Variants in SS18 observed in about 807,000 individuals in gnomAD.
SS18 encodes SS18 subunit of BAF chromatin remodeling complex.
Under a neutral mutation model 72.5 loss-of-function variants are expected in SS18, and 28 were observed. The ratio of observed to expected loss-of-function variants is 0.39; its 90% CI spans 0.29 to 0.53. The LOEUF is 0.53. Ranked by LOEUF, SS18 falls within the 20% of genes least tolerant of loss-of-function variation. The pLI is 0.76. For synonymous variants in SS18, 172 were observed against 164.2 expected, an observed-to-expected ratio of 1.05 and a Z score of -0.37; for missense variants, 518 against 535.3, an observed-to-expected ratio of 0.97 and a Z score of 0.32.
In SS18 at chr18:26,032,485, C is replaced by T; in HGVS notation, c.1144G>A (p.Gly382Arg). Residue 382 changes from glycine (G) to arginine (R), a missense_variant, in exon 10 of 11, where the codon GGA (glycine) becomes AGA (arginine). Gly to Arg is a moderately radical substitution (Grantham distance 125). Coordinates refer to ENST00000415083, the MANE Select transcript of SS18 (RefSeq NM_001007559.3). ...TATCCTCCATACTGCTGACCTTGTCCCTGTGGGTAGTTAGGATACTGAGGA... is the reference window on the plus strand; with the variant it reads ...TATCCTCCATACTGCTGACCTTGTCTCTGTGGGTAGTTAGGATACTGAGGA... ...PGPQYPNYPQGQGQQYGGYRP... is the reference protein window; with the variant it reads ...PGPQYPNYPQRQGQQYGGYRP... The T allele has an allele frequency of 6.2e-7, 1 of 1,613,774 alleles. No individual in the cohort carries two copies. Among genetic ancestry groups the T allele is most frequent in the South Asian group, 1.1e-5 (1 of 91,048 alleles).
At chr18:26,087,359 A>C (rs1302886005) in intron 2 of SS18, 142 bp downstream of exon 2, 1 of 572,062 alleles carries the variant, frequency 1.7e-6, no homozygotes, top group Admixed American at 3.7e-5. Flanking sequence ...CTATGAATAT[A>C]CTAAAAAACA....
chr18:26,025,949 G>A (rs1382940995), intron 10 of SS18, among the ~76,000 whole-genome samples: 1 of 151,884 alleles, frequency 6.6e-6, no homozygotes. Context: ...TTAACCCACT[G>A]TAAGCTGAAA....
intron 9 of SS18, among the ~76,000 whole-genome samples, chr18:26,033,597 T>C (rs2053580478): frequency 6.6e-6 from 1 of 151,712 alleles, no homozygotes; most frequent in African/African-American, 2.4e-5. Context: ...ATAAAAACAC[T>C]GATTTCAGAG....
intron 10 of SS18, among the ~76,000 whole-genome samples, chr18:26,031,570 T>C (rs2053542613): frequency 2.0e-5 from 3 of 152,174 alleles, no homozygotes; most frequent in Admixed American, 6.5e-5. Context: ...ATCATTTCCA[T>C]AATAATTCAG....
At position 26,057,799 on chromosome 18, in the gene SS18, T is replaced by C. The variant is rs113362764; in HGVS notation, c.232-57A>G. ...AACAGACTAATATACGAAAGATGCA[T>C]AGGGTAAAAGAGTTGCTTATGTTAC... On this transcript the variant is annotated intron_variant, in intron 3 of 10. Coordinates refer to ENST00000415083, the MANE Select transcript of SS18 (RefSeq NM_001007559.3). 30 of 1,514,978 alleles carry C rather than the reference T, an allele frequency of 2.0e-5. 1 individual carries two copies. Among genetic ancestry groups the C allele is most frequent in the African/African-American group, 1.7e-4 (12 of 71,970 alleles). The allele number at this position is 1,514,978 out of a possible 1,614,324, so 93.8% of individuals were successfully genotyped here.
Position 26,055,752 on chromosome 18 carries a change from T to G in SS18, c.385+1837A>C, listed in dbSNP as rs557353957. Among the ~76,000 whole-genome samples the G allele has an allele frequency of 5.2e-5, 7 of 135,504 alleles. No individual in the cohort carries two copies. In the South Asian group the frequency reaches 9.3e-4, roughly 18 times the overall value. The allele number at this position is 135,504 out of a possible 152,430, so 88.9% of individuals were successfully genotyped here. ...CTATTGTTAGGAGAAATTCTTTCTGTTTTTTTTTTTTTTGTTTTTTTTTTT... is the reference window on the plus strand; with the variant it reads ...CTATTGTTAGGAGAAATTCTTTCTGGTTTTTTTTTTTTTGTTTTTTTTTTT... On this transcript the variant is annotated intron_variant, in intron 4 of 10. Transcript: ENST00000415083.
At chr18:26,046,610 CCA>C (rs1289514451) in intron 5 of SS18, among the ~76,000 whole-genome samples, 5 of 152,234 alleles carry the variant, frequency 3.3e-5, no homozygotes, top group East Asian at 1.9e-4. Flanking sequence ...GTCAGCATTT[CCA>C]CAGTCAGCAA....
chr18:26,076,730 GTC>G (rs1190571864), intron 3 of SS18, among the ~76,000 whole-genome samples: 3 of 152,012 alleles, frequency 2.0e-5, no homozygotes, highest in Non-Finnish European at 4.4e-5. Context: ...CTTGAGTCAT[GTC>G]AGAGGAACAC....
chr18:26,089,708 C>G (rs894150312), intron 1 of SS18: 1 of 152,260 alleles, frequency 6.6e-6, no homozygotes, highest in Non-Finnish European at 1.5e-5. Flanking sequence ...ACTGCAGCAG[C>G]TCTATCCTTT....
intron 2 of SS18, among the ~76,000 whole-genome samples, chr18:26,080,747 T>A (rs1439976694): frequency 6.6e-6 from 1 of 152,134 alleles, no homozygotes; most frequent in African/African-American, 2.4e-5. Flanking sequence ...ATGATTAGTA[T>A]TTTACCACAT....
At position 26,090,541 on chromosome 18, in the gene SS18, T is replaced by C. The variant is rs369768727; in HGVS notation, c.29A>G (p.Gln10Arg). MSVAFAAPR[Q>R]RGKGEITPAA... ...GGGAGTGATCTCCCCCTTGCCTCGC[T>C]GCCTCGGGGCCGCGAAAGCCACAGA... is the stretch of plus-strand genomic sequence containing the variant. The change falls in exon 1 of 11, where the codon CAG becomes CGG. Residue 10 changes from glutamine to arginine, a missense_variant. By Grantham distance (43) the Gln-to-Arg change is conservative (BLOSUM62 1). Coordinates refer to ENST00000415083, the MANE Select transcript of SS18 (RefSeq NM_001007559.3). The C allele has an allele frequency of 1.9e-6, 3 of 1,589,070 alleles. No homozygotes were observed. Among genetic ancestry groups the C allele is most frequent in the Non-Finnish European group, 2.6e-6 (3 of 1,168,592 alleles).
chr18:26,032,423 C>G lies in SS18; in HGVS notation c.1206G>C (p.Gln402His). ...CCTGGTCATATCCATAAGGCCTCTG[C>G]TGGGGTGGCTGTGGTGGTCCAGGCT... is the stretch of plus-strand genomic sequence containing the variant. ...PTQPGPPQPP[Q>H]QRPYGYDQGQ... Residue 402 changes from glutamine to histidine, a missense_variant, in exon 10 of 11, where the codon CAG (glutamine) becomes CAC (histidine). Physicochemically the swap from Gln to His is conservative, Grantham distance 24 (BLOSUM62 0). Coordinates refer to ENST00000415083, the MANE Select transcript of SS18 (RefSeq NM_001007559.3). 6.2e-7 allele frequency: 1 copy of G among 1,613,904 alleles called. No individual in the cohort carries two copies. The highest frequency in any genetic ancestry group is 8.5e-7 in the Non-Finnish European group (1 of 1,179,840).
intron 10 of SS18, among the ~76,000 whole-genome samples, chr18:26,029,991 T>A (rs1419813204): frequency 2.0e-5 from 3 of 152,162 alleles, no homozygotes; most frequent in Non-Finnish European, 4.4e-5. Context: ...TGAGTCTTTA[T>A]CCACACAGTA....
At chr18:26,068,122 G>GTT (rs1167550184) in intron 3 of SS18, 1 of 152,088 alleles carries the variant, frequency 6.6e-6, no homozygotes, top group Non-Finnish European at 1.5e-5. Flanking sequence ...CCACAGACCC[G>GTT]TATCAGTCCA....
At chr18:26,067,483 C>T (rs558988434) in intron 3 of SS18, among the ~76,000 whole-genome samples, 93 of 152,198 alleles carry the variant, frequency 6.1e-4, no homozygotes, top group African/African-American at 2.0e-3. Context: ...TTTTGAGAGG[C>T]CTGTGGAATG....
intron 3 of SS18, among the ~76,000 whole-genome samples, chr18:26,075,636 TCAAA>T (rs1182810128): frequency 2.6e-5 from 4 of 152,024 alleles, no homozygotes; most frequent in Middle Eastern, 3.4e-3. Context: ...TACTTAATGG[TCAAA>T]CAGTGAAAGC....
chr18:26,034,451 G>A (rs555900849), intron 9 of SS18, among the ~76,000 whole-genome samples: 31 of 152,088 alleles, frequency 2.0e-4, no homozygotes, highest in Non-Finnish European at 4.3e-4. Flanking sequence ...TATATAATAG[G>A]AAAATATTGC....
At chr18:26,062,305 G>A (rs1240651949) in intron 3 of SS18, among the ~76,000 whole-genome samples, 4 of 152,024 alleles carry the variant, frequency 2.6e-5, no homozygotes, top group Non-Finnish European at 5.9e-5. Flanking sequence ...CCGTTATAAG[G>A]TTCTTGTATT....
chr18:26,022,159 C>A (rs552263446), intron 10 of SS18, among the ~76,000 whole-genome samples: 1 of 152,118 alleles, frequency 6.6e-6, no homozygotes, highest in Non-Finnish European at 1.5e-5. Context: ...GTCTTGTGAT[C>A]ACGCATTCAA....
Sources: allele counts gnomAD v4.1 joint callset (sites outside exome capture counted in the v4.1 genomes callset), GRCh38; gene constraint gnomAD v4.1.1; transcripts MANE v1.5; gene names NCBI Gene and HGNC (gene_info 2026-07-23, HGNC 2026-07-21).